The following KIAA0825 variants were observed in gnomAD, a reference collection of about 807,000 sequenced individuals.
The protein encoded by KIAA0825 is uncharacterized protein KIAA0825.
In KIAA0825, 119 loss-of-function variants were observed where a neutral mutation model predicts 147.6. The ratio of observed to expected loss-of-function variants is 0.81; its 90% CI spans 0.69 to 0.94. The LOEUF is 0.94. Ranked by LOEUF, KIAA0825 falls within the 40% of genes least tolerant of loss-of-function variation. KIAA0825 has a pLI of 0.00. For missense variants in KIAA0825, 1,381 were observed against 1,472.7 expected (o/e 0.94, Z 1.02); for synonymous variants, 470 against 518.1 (o/e 0.91, Z 1.26).
intron 20 of KIAA0825, among the ~76,000 whole-genome samples, chr5:94,290,849 A>C (rs765618854): frequency 1.3e-5 from 2 of 152,142 alleles, no homozygotes; most frequent in Non-Finnish European, 2.9e-5. Context: ...GATGGTATTC[A>C]ATGTGGTTTT....
chr5:94,248,262 T>G (rs1775731347), intron 20 of KIAA0825, among the ~76,000 whole-genome samples: 1 of 152,094 alleles, frequency 6.6e-6, no homozygotes, highest in Non-Finnish European at 1.5e-5. Context: ...CAGAAGAATT[T>G]TTTTGAGAAT....
At chr5:94,197,443 T>A (rs889833445) in intron 20 of KIAA0825, among the ~76,000 whole-genome samples, 4 of 152,210 alleles carry the variant, frequency 2.6e-5, no homozygotes, top group African/African-American at 9.6e-5. Context: ...GATAGTTTCT[T>A]TTGTTGTGCA....
At chr5:94,441,450 G>A (rs989872334) in intron 13 of KIAA0825, among the ~76,000 whole-genome samples, 7 of 152,128 alleles carry the variant, frequency 4.6e-5, no homozygotes, top group African/African-American at 1.4e-4. Context: ...CACCTTGGCT[G>A]CACCCACAAT....
intron 20 of KIAA0825, among the ~76,000 whole-genome samples, chr5:94,189,724 T>G (rs1291001875): frequency 6.6e-6 from 1 of 152,176 alleles, no homozygotes; most frequent in Non-Finnish European, 1.5e-5. Context: ...CCCCTCCAAA[T>G]TCATCCTCCC....
At chr5:94,615,335 A>G (rs928693924) in intron 1 of KIAA0825, among the ~76,000 whole-genome samples, 4 of 152,222 alleles carry the variant, frequency 2.6e-5, no homozygotes, top group African/African-American at 9.6e-5. Context: ...GATGAGAAAC[A>G]TGATACCCAG....
intron 17 of KIAA0825, among the ~76,000 whole-genome samples, chr5:94,394,448 A>G (rs1376793200): frequency 6.6e-6 from 1 of 152,256 alleles, no homozygotes; most frequent in South Asian, 2.1e-4. Flanking sequence ...GCTCATTGTT[A>G]ATCAGCCAAA....
chr5:94,572,186 A>G (rs1780105695), intron 2 of KIAA0825, among the ~76,000 whole-genome samples: 1 of 152,112 alleles, frequency 6.6e-6, no homozygotes, highest in Non-Finnish European at 1.5e-5. Context: ...GGAAATGTAC[A>G]ATCAACTGAC....
At chr5:94,484,722 C>T (rs765206425) in intron 6 of KIAA0825, 47 bp downstream of exon 6, 124 of 1,294,146 alleles carry the variant, frequency 9.6e-5, no homozygotes, top group Non-Finnish European at 1.2e-4. Context: ...GAAGCAAAAA[C>T]ACAGAGAAAT....
At chr5:94,439,919 T>C in intron 14 of KIAA0825, 63 bp downstream of exon 14, 1 of 1,482,036 alleles carries the variant, frequency 6.7e-7, no homozygotes, top group Non-Finnish European at 9.1e-7. Context: ...AGGAAAAAAA[T>C]GTTATTCAAC....
At chr5:94,475,467 C>A (rs975542272) in intron 7 of KIAA0825, among the ~76,000 whole-genome samples, 1 of 152,154 alleles carries the variant, frequency 6.6e-6, no homozygotes, top group Non-Finnish European at 1.5e-5. Flanking sequence ...TATCTGAATT[C>A]TCTTTTCAAA....
Position 94,564,963 on chromosome 5 carries a change from T to G in KIAA0825, c.-2+17470A>C, listed in dbSNP as rs568523309. 3.4e-5 allele frequency among the ~76,000 whole-genome samples: 5 copies of G among 147,680 alleles called. No individual in the cohort carries two copies. The East Asian group carries it at 9.9e-4, about 29-fold the overall frequency. On this transcript the variant is annotated intron_variant, in intron 2 of 20. Transcript: ENST00000682413. ...CCTCCCTCCCTTTTCTTTTCTTTTC[T>G]TTTCTTTTTCTTCTCTTCTCTTCTC... is the stretch of plus-strand genomic sequence containing the variant.
In KIAA0825 at chr5:94,511,114, G is replaced by A. The variant is rs1284469337; in HGVS notation, c.970+9134C>T. ...CTCCCTTGCCCCTTCTACCACATGA[G>A]GACACAGAGAGAAGACTGCCTTTAT... On this transcript the variant is annotated intron_variant, in intron 5 of 20. Coordinates refer to ENST00000682413, the MANE Select transcript of KIAA0825 (RefSeq NM_001145678.3). Among the ~76,000 whole-genome samples, 4 of 151,964 alleles carry A rather than the reference G, an allele frequency of 2.6e-5. No individual in the cohort carries two copies. In the East Asian group the frequency reaches 7.7e-4, roughly 29 times the overall value.
At chr5:94,476,103 A>G (rs1466808883) in intron 7 of KIAA0825, among the ~76,000 whole-genome samples, 2 of 152,230 alleles carry the variant, frequency 1.3e-5, no homozygotes, top group African/African-American at 4.8e-5. Context: ...AAAGCATAAT[A>G]TATAACTTAG....
chr5:94,601,244 C>T (rs1288809723), intron 1 of KIAA0825, among the ~76,000 whole-genome samples: 5 of 152,200 alleles, frequency 3.3e-5, no homozygotes, highest in Non-Finnish European at 7.3e-5. Context: ...TACTATTTCA[C>T]AGCCTTCACT....
At chr5:94,237,110 G>A (rs532359455) in intron 20 of KIAA0825, among the ~76,000 whole-genome samples, 3 of 151,700 alleles carry the variant, frequency 2.0e-5, no homozygotes, top group East Asian at 1.9e-4. Flanking sequence ...ATGTATAGGC[G>A]ATGCAGATCT....
At chr5:94,162,312 T>G (rs1767658950) in intron 20 of KIAA0825, among the ~76,000 whole-genome samples, 1 of 152,174 alleles carries the variant, frequency 6.6e-6, no homozygotes, top group African/African-American at 2.4e-5. Flanking sequence ...TTATGATTTT[T>G]TTTTAGAATC....
At chr5:94,519,101 A>G (rs1463824415) in intron 5 of KIAA0825, 5 of 510,100 alleles carry the variant, frequency 9.8e-6, no homozygotes, top group African/African-American at 2.1e-5. Context: ...GTATTTTGCC[A>G]TAACCGAATT....
At chr5:94,415,983 A>G (rs912415926) in intron 15 of KIAA0825, 4 of 152,314 alleles carry the variant, frequency 2.6e-5, no homozygotes, top group South Asian at 2.1e-4. Context: ...CCCCAGAAAC[A>G]ACTAAAATCA....
intron 20 of KIAA0825, among the ~76,000 whole-genome samples, chr5:94,227,550 TAATAA>T (rs974571396): frequency 8.2e-5 from 12 of 146,966 alleles, no homozygotes; most frequent in African/African-American, 2.3e-4. Context: ...AGGATAATAA[TAATAA>T]AATAAAATAA....
Sources: gnomAD v4.1 joint callset for allele counts (sites outside exome capture counted in the v4.1 genomes callset) on GRCh38, gnomAD v4.1.1 for gene constraint, MANE v1.5 for transcripts, NCBI Gene and HGNC (gene_info 2026-07-23, HGNC 2026-07-21) for gene names.